The following PXDNL variants were observed in gnomAD, a reference collection of about 807,000 sequenced individuals.
PXDNL encodes peroxidasin like.
Under a neutral mutation model 150.8 loss-of-function variants are expected in PXDNL, and 145 were observed. The observed-to-expected ratio is 0.96, with a 90% CI of 0.84 to 1.10. The LOEUF (loss-of-function observed/expected upper bound fraction) is 1.10. Among genes scored for constraint, PXDNL ranks in the 50% least tolerant of loss-of-function variants. The pLI is 0.00. For missense variants in PXDNL, 2,087 were observed against 1,873.9 expected, an observed-to-expected ratio of 1.11 and a Z score of -2.10; for synonymous variants, 757 against 725.7, an observed-to-expected ratio of 1.04 and a Z score of -0.69.
At chr8:51,558,538 G>A (rs541153541) in intron 3 of PXDNL, among the ~76,000 whole-genome samples, 24 of 152,076 alleles carry the variant, frequency 1.6e-4, no homozygotes, top group Non-Finnish European at 2.4e-4. Flanking sequence ...TATTATTATC[G>A]TCAATTTTAA....
At chr8:51,363,647 C>T (rs548510160) in intron 19 of PXDNL, among the ~76,000 whole-genome samples, 31 of 152,294 alleles carry the variant, frequency 2.0e-4, no homozygotes, top group Non-Finnish European at 3.1e-4. Context: ...AACTACCAGG[C>T]CCAGGGCGTG....
chr8:51,405,104 G>A (rs925658661), intron 17 of PXDNL, among the ~76,000 whole-genome samples: 3 of 152,176 alleles, frequency 2.0e-5, no homozygotes, highest in Admixed American at 6.5e-5. Context: ...CTGGGAGTGC[G>A]GGGCCCACTG....
At chr8:51,512,114 G>A (rs1004839164) in intron 4 of PXDNL, among the ~76,000 whole-genome samples, 1 of 152,202 alleles carries the variant, frequency 6.6e-6, no homozygotes, top group Non-Finnish European at 1.5e-5. Context: ...GTGGGCAGGT[G>A]TGCACAATTT....
chr8:51,599,061 T>C (rs779370788), intron 2 of PXDNL, among the ~76,000 whole-genome samples: 1 of 152,154 alleles, frequency 6.6e-6, no homozygotes, highest in Non-Finnish European at 1.5e-5. Flanking sequence ...CTTTTGTATA[T>C]CTGTAGGATT....
At chr8:51,763,669 GA>G (rs914479642) in intron 1 of PXDNL, among the ~76,000 whole-genome samples, 8 of 149,320 alleles carry the variant, frequency 5.4e-5, no homozygotes, top group Non-Finnish European at 7.4e-5. Flanking sequence ...TTCCTGCTCT[GA>G]AAAAAAAAAT....
intron 19 of PXDNL, among the ~76,000 whole-genome samples, chr8:51,349,846 T>C (rs558424586): frequency 1.3e-5 from 2 of 152,300 alleles, no homozygotes; most frequent in African/African-American, 4.8e-5. Flanking sequence ...TATGTCAAAA[T>C]TGATTTTTCA....
chr8:51,333,178 T>C (rs1247848155), intron 21 of PXDNL, among the ~76,000 whole-genome samples: 1 of 152,208 alleles, frequency 6.6e-6, no homozygotes. Context: ...AGTAAGGCCC[T>C]ATCTTCAACC....
Position 51,372,028 on chromosome 8 carries a change from T to C in PXDNL, c.3746A>G (p.Lys1249Arg). Reference sequence around the variant, plus strand: ...AAGCACCCGGCTCAGGGACGCCTGCTTCAGCTGAGTGAGTTGTGCCGGGGT... The same window carrying C: ...AAGCACCCGGCTCAGGGACGCCTGCCTCAGCTGAGTGAGTTGTGCCGGGGT... ...VFTPAQLTQLKQASLSRVLCD... is the reference protein window; with the variant it reads ...VFTPAQLTQLRQASLSRVLCD... The change falls in exon 19 of 23, where the codon AAG (lysine) becomes AGG (arginine). Residue 1249 changes from lysine (K) to arginine (R), a missense_variant. Physicochemically the swap from Lys to Arg is conservative, Grantham distance 26 (BLOSUM62 2). Coordinates refer to ENST00000356297, the MANE Select transcript of PXDNL (RefSeq NM_144651.5). The C allele has an allele frequency of 2.5e-6, 4 of 1,611,292 alleles. No individual in the cohort carries two copies. The highest frequency in any genetic ancestry group is 3.4e-6 in the Non-Finnish European group (4 of 1,178,594).
chr8:51,714,411 T>A (rs1408068855), intron 1 of PXDNL, among the ~76,000 whole-genome samples: 1 of 152,210 alleles, frequency 6.6e-6, no homozygotes, highest in African/African-American at 2.4e-5. Flanking sequence ...GCCATATAAG[T>A]ACATCTAGAG....
chr8:51,573,213 C>T (rs1405588065), intron 3 of PXDNL, among the ~76,000 whole-genome samples: 1 of 152,028 alleles, frequency 6.6e-6, no homozygotes, highest in Non-Finnish European at 1.5e-5. Flanking sequence ...TAGATCCTCA[C>T]ACTTGTGAGG....
intron 2 of PXDNL, among the ~76,000 whole-genome samples, chr8:51,623,223 G>A (rs1814292399): frequency 6.6e-6 from 1 of 152,198 alleles, no homozygotes; most frequent in African/African-American, 2.4e-5. Flanking sequence ...CCAGGGCAGG[G>A]AACAGAGGCA....
chr8:51,552,552 A>T (rs950160899), intron 4 of PXDNL, among the ~76,000 whole-genome samples: 1 of 152,212 alleles, frequency 6.6e-6, no homozygotes, highest in East Asian at 1.9e-4. Flanking sequence ...GGAACTGGAG[A>T]CCATTATTCT....
rs1805400850 is a variant in PXDNL at position 51,323,876 on chromosome 8, A to C, written c.4147-2979T>G. Among the ~76,000 whole-genome samples the C allele has an allele frequency of 2.6e-5, 4 of 151,884 alleles. No individual in the cohort carries two copies. The South Asian group carries it at 8.3e-4, about 32-fold the overall frequency. ...AGTTGCAGTGAGCCAAGATCATGCCATTGCACTCCAGCCTGGGTGACAAGA... is the reference window on the plus strand; with the variant it reads ...AGTTGCAGTGAGCCAAGATCATGCCCTTGCACTCCAGCCTGGGTGACAAGA... On this transcript the variant is annotated intron_variant, in intron 21 of 22. Coordinates refer to ENST00000356297, the MANE Select transcript of PXDNL (RefSeq NM_144651.5).
intron 8 of PXDNL, among the ~76,000 whole-genome samples, chr8:51,469,291 A>C (rs1490893123): frequency 6.6e-6 from 1 of 152,116 alleles, no homozygotes; most frequent in East Asian, 1.9e-4. Context: ...TGTTGTGATC[A>C]CAGTGAAGAG....
chr8:51,578,646 G>T (rs1813141224), intron 3 of PXDNL, among the ~76,000 whole-genome samples: 1 of 151,674 alleles, frequency 6.6e-6, no homozygotes, highest in African/African-American at 2.4e-5. Flanking sequence ...GAAAGGCAAA[G>T]AATCTAGACT....
chr8:51,514,507 A>G (rs906381628), intron 4 of PXDNL, among the ~76,000 whole-genome samples: 7 of 152,214 alleles, frequency 4.6e-5, no homozygotes, highest in African/African-American at 1.7e-4. Flanking sequence ...ATGTTTTGAT[A>G]ATTCAAATGT....
chr8:51,383,963 T>C (rs1265306484), intron 17 of PXDNL, among the ~76,000 whole-genome samples: 2 of 152,108 alleles, frequency 1.3e-5, no homozygotes, highest in African/African-American at 4.8e-5. Context: ...GCTCACCTGA[T>C]TGAGAGAGTG....
At chr8:51,608,054 A>AAGCAAGC (rs1813893987) in intron 2 of PXDNL, among the ~76,000 whole-genome samples, 34 of 111,698 alleles carry the variant, frequency 3.0e-4, no homozygotes, top group African/African-American at 8.1e-4. Flanking sequence ...AGAAAGAAAG[A>AAGCAAGC]AAGCAAGCAA....
chr8:51,448,973 C>A, intron 11 of PXDNL, 29 bp downstream of exon 11: 1 of 1,193,868 alleles, frequency 8.4e-7, no homozygotes, highest in Non-Finnish European at 1.2e-6. Flanking sequence ...CTTATTTTTC[C>A]CCACAATTAC....
Sources: allele counts gnomAD v4.1 joint callset (sites outside exome capture counted in the v4.1 genomes callset), GRCh38; gene constraint gnomAD v4.1.1; transcripts MANE v1.5; gene names NCBI Gene and HGNC (gene_info 2026-07-23, HGNC 2026-07-21).